The following PTPRM variants were observed in gnomAD, a reference collection of about 807,000 sequenced individuals.
PTPRM encodes receptor-type tyrosine-protein phosphatase mu.
In PTPRM, 47 loss-of-function variants were observed where a neutral mutation model predicts 186.7. The observed-to-expected ratio is 0.25, with a 90% CI of 0.20 to 0.32. The LOEUF is 0.32. Ranked by LOEUF, PTPRM falls within the 10% of genes least tolerant of loss-of-function variation. The pLI is 1.00. For synonymous variants in PTPRM, 668 were observed against 674.9 expected (o/e 0.99, Z 0.16); for missense variants, 1,494 against 1,865.0 (o/e 0.80, Z 3.66).
At chr18:8,256,640 G>A (rs945153603) in intron 19 of PTPRM, among the ~76,000 whole-genome samples, 2 of 152,174 alleles carry the variant, frequency 1.3e-5, no homozygotes, top group African/African-American at 4.8e-5. Context: ...GTTATGGAAA[G>A]GGGTTATACT....
chr18:8,216,781 A>G, intron 14 of PTPRM, among the ~76,000 whole-genome samples: 1 of 152,192 alleles, frequency 6.6e-6, no homozygotes, highest in South Asian at 2.1e-4. Context: ...GCTCTTTTTG[A>G]CCAATATTTT....
At chr18:8,187,427 A>G (rs1358418395) in intron 14 of PTPRM, among the ~76,000 whole-genome samples, 4 of 152,214 alleles carry the variant, frequency 2.6e-5, no homozygotes, top group Admixed American at 6.5e-5. Flanking sequence ...CTGGTGGGCA[A>G]GGCGGTGGCA....
At chr18:8,289,579 T>TATAC (rs1568675423) in intron 19 of PTPRM, among the ~76,000 whole-genome samples, 1 of 103,836 alleles carries the variant, frequency 9.6e-6, no homozygotes, top group African/African-American at 4.1e-5. Context: ...TATATATACA[T>TATAC]ATATATATAC....
intron 5 of PTPRM, among the ~76,000 whole-genome samples, chr18:7,929,063 T>C (rs1201923444): frequency 6.6e-6 from 1 of 152,196 alleles, no homozygotes; most frequent in Non-Finnish European, 1.5e-5. Flanking sequence ...GTCTTGTCTA[T>C]TTCCAGATTC....
At chr18:7,841,281 CTTTTTTTTTTTTTTTTT>C (rs34688860) in intron 2 of PTPRM, among the ~76,000 whole-genome samples, 1 of 70,200 alleles carries the variant, frequency 1.4e-5, no homozygotes, top group Non-Finnish European at 2.8e-5. Flanking sequence ...CAAATCATTT[CTTTTTTTTTTTTTTTTT>C]TTTTTTTTTT....
rs12966003 is a variant in PTPRM at position 7,593,844 on chromosome 18, C to G, written c.73+25953C>G. On this transcript the variant is annotated intron_variant, in intron 1 of 32. Coordinates refer to ENST00000580170, the MANE Select transcript of PTPRM (RefSeq NM_001105244.2). The stretch of plus-strand genomic sequence containing the variant: ...CCCTGCACATTGTAAATCTCAACAG[C>G]TTGGTGAAGAAGACCAGACACCCAC... Among the ~76,000 whole-genome samples the G allele has an allele frequency of 1.1e-4, 17 of 152,290 alleles. 1 individual carries two copies. In the Middle Eastern group the frequency reaches 0.017, roughly 152 times the overall value.
chr18:8,010,363 A>G (rs1461310825), intron 7 of PTPRM, among the ~76,000 whole-genome samples: 2 of 152,156 alleles, frequency 1.3e-5, no homozygotes, highest in Non-Finnish European at 2.9e-5. Context: ...GATTTTCATC[A>G]TTATCTCATA....
At position 7,668,400 on chromosome 18, in the gene PTPRM, C is replaced by G. The variant is rs965269301; in HGVS notation, c.73+100509C>G. The stretch of plus-strand genomic sequence containing the variant: ...GTCTTGTTTGTTATTATGTAGCTCT[C>G]AGCTGCAACGGTATTTAACACGTTT... On this transcript the variant is annotated intron_variant, in intron 1 of 32. Transcript: ENST00000580170. The surrounding 1 kb of genome is among the most constrained non-coding windows in gnomAD (Gnocchi z 4.7). Among the ~76,000 whole-genome samples, 1 of 152,244 alleles carries G rather than the reference C, an allele frequency of 6.6e-6. No homozygotes were observed. Among genetic ancestry groups the G allele is most frequent in the Non-Finnish European group, 1.5e-5 (1 of 68,056 alleles).
intron 29 of PTPRM, 22 bp from the exon 30 acceptor site, chr18:8,384,539 T>C (rs1400743474): frequency 1.9e-6 from 3 of 1,613,404 alleles, no homozygotes; most frequent in Non-Finnish European, 2.5e-6. Context: ...ACTAACCTTG[T>C]GTTTATATGT....
At chr18:8,230,976 C>T (rs984658994) in intron 14 of PTPRM, among the ~76,000 whole-genome samples, 1 of 152,188 alleles carries the variant, frequency 6.6e-6, no homozygotes, top group Admixed American at 6.5e-5. Flanking sequence ...GTTACCAGCT[C>T]CTACTGCAGC....
intron 1 of PTPRM, among the ~76,000 whole-genome samples, chr18:7,718,084 CA>C (rs35425803): frequency 0.028 from 4,210 of 149,778 alleles, 76 homozygotes; most frequent in Non-Finnish European, 0.04. Flanking sequence ...CATATGGAAC[CA>C]AAAAAAAAGC....
chr18:8,357,842 C>A (rs1333186032), intron 23 of PTPRM, among the ~76,000 whole-genome samples: 1 of 151,230 alleles, frequency 6.6e-6, no homozygotes, highest in Non-Finnish European at 1.5e-5. Flanking sequence ...TAATTGACTA[C>A]AAACTGGGTA....
At chr18:7,707,491 T>G (rs905746422) in intron 1 of PTPRM, among the ~76,000 whole-genome samples, 3 of 150,128 alleles carry the variant, frequency 2.0e-5, no homozygotes, top group African/African-American at 7.5e-5. Context: ...ATAATAAAAT[T>G]AGCTGCGTGT....
At chr18:7,863,625 G>A (rs182982716) in intron 2 of PTPRM, among the ~76,000 whole-genome samples, 129 of 152,280 alleles carry the variant, frequency 8.5e-4, no homozygotes, top group African/African-American at 3.0e-3. Context: ...TTGGTTCCAA[G>A]TCTTTGCTAT....
At chr18:8,337,823 G>C (rs1300637668) in intron 22 of PTPRM, among the ~76,000 whole-genome samples, 1 of 152,188 alleles carries the variant, frequency 6.6e-6, no homozygotes, top group African/African-American at 2.4e-5. Flanking sequence ...GGGAGGGGCA[G>C]GTGCCCTGAC....
chr18:8,325,531 AT>A (rs1351777498), intron 22 of PTPRM, among the ~76,000 whole-genome samples: 5 of 152,086 alleles, frequency 3.3e-5, no homozygotes, highest in Non-Finnish European at 7.4e-5. Flanking sequence ...ATTCCATGGT[AT>A]ATTTGTACTA....
intron 2 of PTPRM, among the ~76,000 whole-genome samples, chr18:7,811,122 A>G (rs1035394296): frequency 1.3e-5 from 2 of 152,230 alleles, no homozygotes; most frequent in African/African-American, 2.4e-5. Context: ...GCAAAAATCA[A>G]TAAGGTTTCA....
intron 14 of PTPRM, among the ~76,000 whole-genome samples, chr18:8,156,488 C>T (rs1017636191): frequency 7.9e-5 from 12 of 152,056 alleles, no homozygotes; most frequent in Admixed American, 4.6e-4. Flanking sequence ...ATAGGGGATG[C>T]GGTAAAAATT....
chr18:8,225,789 A>G (rs1389108273), intron 14 of PTPRM, among the ~76,000 whole-genome samples: 1 of 152,220 alleles, frequency 6.6e-6, no homozygotes, highest in Non-Finnish European at 1.5e-5. Flanking sequence ...TAATTGATAC[A>G]TTTGAGTATA....
Sources: allele counts gnomAD v4.1 joint callset (sites outside exome capture counted in the v4.1 genomes callset), GRCh38; gene constraint gnomAD v4.1.1; non-coding constraint Gnocchi (gnomAD v3.1); transcripts MANE v1.5; gene names NCBI Gene and HGNC (gene_info 2026-07-23, HGNC 2026-07-21).